Variants in MMADHC observed in about 807,000 individuals in gnomAD.
The protein encoded by MMADHC is cobalamin trafficking protein CblD.
Under a neutral mutation model 36.3 loss-of-function variants are expected in MMADHC, and 23 were observed. The ratio of observed to expected loss-of-function variants is 0.63; its 90% CI spans 0.46 to 0.90. The LOEUF is 0.90. MMADHC is among the 40% of genes least tolerant of loss of function. The probability of loss-of-function intolerance (pLI) is 0.00; values close to 1 mark genes in which losing one functional copy is unlikely to be tolerated. For missense variants in MMADHC, 330 were observed against 348.0 expected, an observed-to-expected ratio of 0.95 and a Z score of 0.41; for synonymous variants, 97 against 116.1, an observed-to-expected ratio of 0.84 and a Z score of 1.06.
chr2:149,576,402 AG>A (rs1431714042), intron 5 of MMADHC, 34 bp downstream of exon 5: 1 of 1,377,446 alleles, frequency 7.3e-7, no homozygotes, highest in Non-Finnish European at 1.0e-6. Flanking sequence ...TAAAAAAATT[AG>A]TAACAGTGTT....
At chr2:149,576,143 GTATTA>G (rs1220251990) in intron 5 of MMADHC, among the ~76,000 whole-genome samples, 2 of 151,988 alleles carry the variant, frequency 1.3e-5, no homozygotes, top group African/African-American at 4.8e-5. Flanking sequence ...AGATTTTTCC[GTATTA>G]TATTAACTCA....
At chr2:149,578,425 G>C (rs1374342419) in intron 4 of MMADHC, among the ~76,000 whole-genome samples, 1 of 152,146 alleles carries the variant, frequency 6.6e-6, no homozygotes, top group Admixed American at 6.6e-5. Context: ...TTCAGTATTA[G>C]ACACACAAAA....
At chr2:149,570,795 TATAAA>T (rs1314782362) in intron 7 of MMADHC, among the ~76,000 whole-genome samples, 4 of 152,144 alleles carry the variant, frequency 2.6e-5, no homozygotes, top group African/African-American at 7.2e-5. Context: ...ATTTTCAACA[TATAAA>T]ATAAACACAC....
Position 149,571,222 on chromosome 2 carries a change from GTTTTA to G in MMADHC, c.610-56_610-52del, listed in dbSNP as rs766622579. ...GCTTAAGATAGCATTACTAGAGATTGTTTTATTTTTAAATAAAATTTTAAGTGACT... is the reference window on the plus strand; with the variant it reads ...GCTTAAGATAGCATTACTAGAGATTGTTTTTAAATAAAATTTTAAGTGACT... On this transcript the variant is annotated intron_variant, in intron 6 of 7. Coordinates refer to ENST00000303319, the MANE Select transcript of MMADHC (RefSeq NM_015702.3). The G allele has an allele frequency of 2.6e-6, 3 of 1,143,650 alleles. No individual in the cohort carries two copies. In the African/African-American group the frequency reaches 4.7e-5, roughly 18 times the overall value. The allele number at this position is 1,143,650 out of a possible 1,614,324, so 70.8% of individuals were successfully genotyped here.
chr2:149,577,791 G>A (rs1463124005), intron 4 of MMADHC, among the ~76,000 whole-genome samples: 1 of 152,138 alleles, frequency 6.6e-6, no homozygotes, highest in African/African-American at 2.4e-5. Context: ...AGGCCAAGGC[G>A]GCCAGATCAC....
intron 2 of MMADHC, among the ~76,000 whole-genome samples, chr2:149,586,285 T>C (rs1682867511): frequency 6.6e-6 from 1 of 152,214 alleles, no homozygotes; most frequent in African/African-American, 2.4e-5. Flanking sequence ...AATTCAACCT[T>C]ATCTCCCACT....
chr2:149,572,537 C>T (rs1473423217), intron 6 of MMADHC, among the ~76,000 whole-genome samples: 1 of 152,102 alleles, frequency 6.6e-6, no homozygotes, highest in Non-Finnish European at 1.5e-5. Flanking sequence ...TCTGCTCTAG[C>T]TTTCTGTCTG....
In MMADHC at chr2:149,569,998, A is replaced by G; in HGVS notation, c.867T>C (p.Ile289=). 1 of 1,613,592 alleles carries G rather than the reference A, an allele frequency of 6.2e-7. No homozygotes were observed. Among genetic ancestry groups the G allele is most frequent in the East Asian group, 2.2e-5 (1 of 44,822 alleles). Reference sequence around the variant, plus strand: ...GCTAATTTCCACTTAATTTCTTCATAATATGGCTGTCTGGTGTTGCATTAG... The same window carrying G: ...GCTAATTTCCACTTAATTTCTTCATGATATGGCTGTCTGGTGTTGCATTAG... ...IFTNATPDSH[I]MKKLSGN Residue 289 remains isoleucine, a synonymous_variant, in exon 8 of 8, where the codon ATT becomes ATC. Transcript: ENST00000303319.
intron 6 of MMADHC, among the ~76,000 whole-genome samples, chr2:149,571,789 A>AG (rs1227195694): frequency 4.9e-5 from 4 of 81,478 alleles, no homozygotes; most frequent in African/African-American, 8.2e-5. Flanking sequence ...CAAAAAAAAA[A>AG]GAAAAAAAAA....
rs570608507 is a variant in MMADHC at position 149,587,077 on chromosome 2, T to G, written c.9+12A>C. The G allele has an allele frequency of 2.2e-5, 36 of 1,613,510 alleles. No homozygotes were observed. Among genetic ancestry groups the G allele is most frequent in the South Asian group, 1.6e-4 (15 of 91,074 alleles). The stretch of plus-strand genomic sequence containing the variant: ...GTTTACTATGCTGATTCTTAAGAGA[T>G]AATTTACTCACATTGGCCATCTCCG... On this transcript the variant is annotated intron_variant, in intron 2 of 7. Transcript: ENST00000303319.
intron 3 of MMADHC, among the ~76,000 whole-genome samples, chr2:149,580,264 T>C (rs1682776416): frequency 6.6e-6 from 1 of 152,136 alleles, no homozygotes; most frequent in Non-Finnish European, 1.5e-5. Context: ...GCCAGGCCCA[T>C]GTTTTTAAGT....
intron 2 of MMADHC, among the ~76,000 whole-genome samples, chr2:149,585,265 A>G (rs1181888219): frequency 6.6e-6 from 1 of 152,208 alleles, no homozygotes; most frequent in Admixed American, 6.5e-5. Flanking sequence ...TCAAACTTCT[A>G]GACTTGGGAA....
chr2:149,574,941 A>G (rs1474198136), intron 6 of MMADHC, among the ~76,000 whole-genome samples: 1 of 152,140 alleles, frequency 6.6e-6, no homozygotes, highest in East Asian at 1.9e-4. Flanking sequence ...CTGGGACTAC[A>G]GGTGCGCACC....
rs1190732521 is a variant in MMADHC, at chr2:149,582,158, C to T, written c.123G>A (p.Glu41=). ...FSTAGSSGSD[E]SHVAAAPPDI... is the part of the protein sequence containing the mutation. ...CTGGAGGTGCAGCAGCCACATGAGA[C>T]TCATCCGAACCTGATGATCCTGCAG... Residue 41 remains glutamate, a synonymous_variant, in exon 3 of 8, where the codon GAG becomes GAA. Coordinates refer to ENST00000303319, the MANE Select transcript of MMADHC (RefSeq NM_015702.3). 3.1e-6 allele frequency: 5 copies of T among 1,613,958 alleles called. No homozygotes were observed. Among genetic ancestry groups the T allele is most frequent in the Non-Finnish European group, 4.2e-6 (5 of 1,179,882 alleles).
At chr2:149,572,542 T>C (rs1252971911) in intron 6 of MMADHC, among the ~76,000 whole-genome samples, 1 of 152,176 alleles carries the variant, frequency 6.6e-6, no homozygotes, top group Admixed American at 6.5e-5. Flanking sequence ...TCTAGCTTTC[T>C]GTCTGTGGAC....
chr2:149,582,027 T>C (rs1573879967), intron 3 of MMADHC, 100 bp downstream of exon 3: 1 of 1,343,236 alleles, frequency 7.4e-7, no homozygotes, highest in East Asian at 2.4e-5. Flanking sequence ...AACACAACTT[T>C]AGAAAAATCC....
intron 2 of MMADHC, among the ~76,000 whole-genome samples, chr2:149,582,993 T>C (rs1047148884): frequency 6.6e-6 from 1 of 152,214 alleles, no homozygotes; most frequent in East Asian, 1.9e-4. Flanking sequence ...AAAGTTTTAC[T>C]GTAACATAGA....
intron 6 of MMADHC, chr2:149,572,216 G>T: frequency 4.7e-6 from 2 of 426,300 alleles, no homozygotes; most frequent in Admixed American, 2.7e-5. Context: ...TTAAAAACAA[G>T]GGCACATAGC....
rs118204047 is a variant in MMADHC, at chr2:149,579,643, G to A, written c.160C>T (p.Arg54Ter). 2 of 1,613,476 alleles carry A rather than the reference G, an allele frequency of 1.2e-6. No individual in the cohort carries two copies. Among genetic ancestry groups the A allele is most frequent in the South Asian group, 1.1e-5 (1 of 91,006 alleles). ...VAAAPPDICS[R>*]TVWPDETMGP... ...ATAGTTTCATCAGGCCACACTGTTC[G>A]AGAGCCTGAAGAGAAACAACAAAAG... Residue 54 changes from arginine to a stop codon, truncating the protein, a stop_gained, in exon 4 of 8, where the codon CGA becomes TGA. Coordinates refer to ENST00000303319, the MANE Select transcript of MMADHC (RefSeq NM_015702.3). LOFTEE classifies it high-confidence loss of function.
Sources: gnomAD v4.1 joint callset for allele counts (sites outside exome capture counted in the v4.1 genomes callset) on GRCh38, gnomAD v4.1.1 for gene constraint, MANE v1.5 for transcripts, NCBI Gene and HGNC (gene_info 2026-07-23, HGNC 2026-07-21) for gene names.